Variants in SCAMP1 observed in about 807,000 individuals in gnomAD.
SCAMP1 encodes secretory carrier-associated membrane protein 1.
A neutral mutation model predicts 41.8 loss-of-function variants in SCAMP1; 15 were observed. The observed-to-expected ratio is 0.36, with a 90% CI of 0.24 to 0.55. SCAMP1 has a LOEUF of 0.55. Ranked by LOEUF, SCAMP1 falls within the 20% of genes least tolerant of loss-of-function variation. The pLI is 0.86. For synonymous variants in SCAMP1, 135 were observed against 136.8 expected, an observed-to-expected ratio of 0.99 and a Z score of 0.09; for missense variants, 341 against 412.6, an observed-to-expected ratio of 0.83 and a Z score of 1.50.
At chr5:78,368,341 G>C (rs887378540) in intron 1 of SCAMP1, among the ~76,000 whole-genome samples, 3 of 146,722 alleles carry the variant, frequency 2.0e-5, no homozygotes, top group African/African-American at 7.3e-5. Flanking sequence ...TTTTGGCCCT[G>C]TAGCTTTACA....
chr5:78,472,371 A>C (rs1424449195), intron 8 of SCAMP1, among the ~76,000 whole-genome samples: 1 of 152,030 alleles, frequency 6.6e-6, no homozygotes, highest in Non-Finnish European at 1.5e-5. Context: ...TATTTCTCCT[A>C]ACGCTATGCC....
chr5:78,464,076 C>G (rs535096058), intron 8 of SCAMP1, among the ~76,000 whole-genome samples: 98 of 152,242 alleles, frequency 6.4e-4, no homozygotes, highest in African/African-American at 2.1e-3. Context: ...CTCCCGGGTT[C>G]AAGCGATTCT....
chr5:78,434,626 A>T (rs7701850), intron 6 of SCAMP1, among the ~76,000 whole-genome samples: 114,085 of 152,014 alleles, frequency 0.75, 43,417 homozygotes, highest in African/African-American at 0.82. Flanking sequence ...TAAGGTTTTT[A>T]AAAAATTTTT....
intron 6 of SCAMP1, among the ~76,000 whole-genome samples, chr5:78,433,126 A>G (rs898282067): frequency 6.6e-6 from 1 of 152,054 alleles, no homozygotes; most frequent in Non-Finnish European, 1.5e-5. Context: ...CCATCTCCTC[A>G]TGCATGTTGG....
intron 6 of SCAMP1, among the ~76,000 whole-genome samples, chr5:78,446,607 A>C (rs754155998): frequency 1.3e-5 from 2 of 152,188 alleles, no homozygotes; most frequent in Non-Finnish European, 2.9e-5. Flanking sequence ...AAGAAAAATT[A>C]GTATTAAAAG....
At chr5:78,385,352 A>G (rs1031394316) in intron 1 of SCAMP1, among the ~76,000 whole-genome samples, 1 of 151,956 alleles carries the variant, frequency 6.6e-6, no homozygotes, top group Middle Eastern at 3.2e-3. Flanking sequence ...TTCTTGGTTA[A>G]TATTGCTAAT....
intron 2 of SCAMP1, among the ~76,000 whole-genome samples, chr5:78,406,029 G>A (rs1021098125): frequency 6.6e-5 from 10 of 152,150 alleles, no homozygotes; most frequent in African/African-American, 1.4e-4. Context: ...CTGAATCAAC[G>A]GCTGTTAAAG....
chr5:78,411,787 C>A (rs1431040421), intron 2 of SCAMP1, among the ~76,000 whole-genome samples: 2 of 151,934 alleles, frequency 1.3e-5, no homozygotes, highest in South Asian at 4.1e-4. Context: ...TTTTAAAGAC[C>A]AGATATTCAT....
chr5:78,459,040 G>C (rs1753512675), intron 7 of SCAMP1, among the ~76,000 whole-genome samples: 1 of 152,184 alleles, frequency 6.6e-6, no homozygotes, highest in African/African-American at 2.4e-5. Flanking sequence ...GCAGATTACT[G>C]AATGTCTCAG....
At chr5:78,427,274 G>A (rs1752491670) in intron 6 of SCAMP1, among the ~76,000 whole-genome samples, 1 of 152,080 alleles carries the variant, frequency 6.6e-6, no homozygotes, top group African/African-American at 2.4e-5. Context: ...CTTTTTAATA[G>A]CCAGCTCTTT....
chr5:78,437,972 T>C (rs992931119), intron 6 of SCAMP1, among the ~76,000 whole-genome samples: 3 of 152,344 alleles, frequency 2.0e-5, no homozygotes, highest in African/African-American at 7.2e-5. Flanking sequence ...AATTTATCTG[T>C]TTTTTCTAGA....
intron 6 of SCAMP1, among the ~76,000 whole-genome samples, chr5:78,427,665 C>T (rs1244407916): frequency 6.6e-6 from 1 of 152,100 alleles, no homozygotes; most frequent in African/African-American, 2.4e-5. Context: ...TCAGCAACGT[C>T]TGAGGGTTCT....
At position 78,434,570 on chromosome 5, in the gene SCAMP1, T is replaced by C. The variant is rs62364267; in HGVS notation, c.632+12610T>C. Among the ~76,000 whole-genome samples the C allele has an allele frequency of 3.4e-5, 4 of 118,374 alleles. No individual in the cohort carries two copies. The East Asian group carries it at 8.3e-4, about 25-fold the overall frequency. The allele number at this position is 118,374 out of a possible 152,430, so 77.7% of individuals were successfully genotyped here. A position where few individuals can be genotyped will look rare whatever the true frequency, so the allele number is the denominator to read the frequency against. On this transcript the variant is annotated intron_variant, in intron 6 of 8. Coordinates refer to ENST00000621999, the MANE Select transcript of SCAMP1 (RefSeq NM_004866.6). ...TTTCTTCCTTCCTTTTCCTCCTCCT[T>C]CTTCAGAAGTTTTAAAAGCACTTTA...
At chr5:78,442,466 C>A (rs1409952483) in intron 6 of SCAMP1, among the ~76,000 whole-genome samples, 1 of 152,084 alleles carries the variant, frequency 6.6e-6, no homozygotes, top group East Asian at 1.9e-4. Context: ...ACCATGTTGG[C>A]CAGGCTGGTC....
In SCAMP1 at chr5:78,477,346, A is replaced by AT. The variant is rs1450043999; in HGVS notation, c.*1684dup. 1.3e-5 allele frequency: 2 copies of AT among 152,100 alleles called. No individual in the cohort carries two copies. The highest frequency in any genetic ancestry group is 2.4e-5 in the African/African-American group (1 of 41,438). 9.4% of individuals were successfully genotyped at this position (152,100 alleles called of 1,614,324 possible). A position where few individuals can be genotyped will look rare whatever the true frequency, so the allele number is the denominator to read the frequency against. On this transcript the variant is annotated 3_prime_UTR_variant, in exon 9 of 9. Coordinates refer to ENST00000621999, the MANE Select transcript of SCAMP1 (RefSeq NM_004866.6). ...TTCTTCAGCGTATGAATTTAAAGCT[A>AT]TTTTTTGTAAATATTTCTAATCAGC... is the stretch of plus-strand genomic sequence containing the variant.
intron 2 of SCAMP1, among the ~76,000 whole-genome samples, chr5:78,392,573 A>G (rs565340394): frequency 4.6e-5 from 7 of 152,358 alleles, no homozygotes; most frequent in African/African-American, 1.4e-4. Flanking sequence ...TATAGTTACA[A>G]AAAGATTTTC....
intron 8 of SCAMP1, among the ~76,000 whole-genome samples, chr5:78,461,039 A>G (rs1184659348): frequency 6.6e-6 from 1 of 152,022 alleles, no homozygotes; most frequent in African/African-American, 2.4e-5. Flanking sequence ...TATGTTTAGT[A>G]GAGATGGAGT....
intron 8 of SCAMP1, among the ~76,000 whole-genome samples, chr5:78,473,477 C>T (rs1418463260): frequency 1.3e-5 from 2 of 152,028 alleles, no homozygotes. Context: ...AAAACAATTT[C>T]AAGTTTTATT....
At chr5:78,398,469 A>G (rs566758830) in intron 2 of SCAMP1, among the ~76,000 whole-genome samples, 3 of 145,380 alleles carry the variant, frequency 2.1e-5, no homozygotes, top group Non-Finnish European at 3.0e-5. Context: ...GGCTCAAGCA[A>G]TCTTCCCACC....
Sources: gnomAD v4.1 joint callset for allele counts (sites outside exome capture counted in the v4.1 genomes callset) on GRCh38, gnomAD v4.1.1 for gene constraint, MANE v1.5 for transcripts, NCBI Gene and HGNC (gene_info 2026-07-23, HGNC 2026-07-21) for gene names.